The following PLS3 variants were observed in gnomAD, a reference collection of about 807,000 sequenced individuals.
The protein encoded by PLS3 is plastin 3.
In PLS3, 11 loss-of-function variants were observed where a neutral mutation model predicts 46.5. The observed-to-expected ratio is 0.24, with a 90% CI of 0.15 to 0.39. The LOEUF (loss-of-function observed/expected upper bound fraction) is 0.39. Ranked by LOEUF, PLS3 falls within the 10% of genes least tolerant of loss-of-function variation. PLS3 has a pLI of 1.00. For synonymous variants in PLS3, 167 were observed against 162.2 expected (o/e 1.03, Z -0.22); for missense variants, 308 against 461.8 (o/e 0.67, Z 3.05).
At chrX:115,633,153 A>G (rs1556639663) in intron 5 of PLS3, among the ~76,000 whole-genome samples, 2 of 106,892 alleles carry the variant, frequency 1.9e-5, no homozygotes, top group African/African-American at 3.4e-5. Context: ...CCCAACTACT[A>G]TGCACATATT....
intron 1 of PLS3, among the ~76,000 whole-genome samples, chrX:115,561,665 C>G (rs1180661148): frequency 9.0e-6 from 1 of 111,441 alleles, no homozygotes; most frequent in Non-Finnish European, 1.9e-5. Context: ...TTCCCTCTGT[C>G]GTCCTTCTCC....
At chrX:115,593,155 C>T (rs782787430) in intron 1 of PLS3, among the ~76,000 whole-genome samples, 2 of 111,080 alleles carry the variant, frequency 1.8e-5, no homozygotes, top group Non-Finnish European at 3.8e-5. Flanking sequence ...GTTAATTTGC[C>T]TTCGCAAGTA....
chrX:115,585,413 CAG>C (rs1311155511), intron 1 of PLS3, among the ~76,000 whole-genome samples: 7 of 110,980 alleles, frequency 6.3e-5, no homozygotes, highest in Admixed American at 1.9e-4. Context: ...TTTTTTGAGA[CAG>C]AGTCTTGCAC....
intron 2 of PLS3, among the ~76,000 whole-genome samples, chrX:115,620,666 C>G (rs1390856900): frequency 3.7e-5 from 4 of 108,016 alleles, no homozygotes; most frequent in Non-Finnish European, 7.7e-5. Context: ...AAGATAGCCC[C>G]AGTCTAACCC....
chrX:115,623,016 AC>A (rs1204760705), intron 3 of PLS3, among the ~76,000 whole-genome samples: 7 of 108,196 alleles, frequency 6.5e-5, no homozygotes, highest in South Asian at 8.2e-4. Context: ...TAATTCTTTC[AC>A]CCCCCCACCC....
chrX:115,600,575 G>A (rs1226836278), intron 1 of PLS3, among the ~76,000 whole-genome samples: 1 of 112,327 alleles, frequency 8.9e-6, no homozygotes, highest in Non-Finnish European at 1.9e-5. Flanking sequence ...TGTGCTGTTC[G>A]TGAAAGAAGG....
intron 9 of PLS3, among the ~76,000 whole-genome samples, chrX:115,642,029 CT>C (rs1461456274): frequency 2.1e-5 from 2 of 94,652 alleles, no homozygotes; most frequent in Non-Finnish European, 4.1e-5. Flanking sequence ...TTTACACCTT[CT>C]TTAGGGTCTT....
intron 1 of PLS3, among the ~76,000 whole-genome samples, chrX:115,602,826 T>G (rs958488562): frequency 1.9e-5 from 2 of 104,002 alleles, no homozygotes; most frequent in South Asian, 9.4e-4. Flanking sequence ...AAGCCTGTGG[T>G]GAATATCCTG....
chrX:115,569,706 C>G (rs1556630481), intron 1 of PLS3, among the ~76,000 whole-genome samples: 2 of 111,157 alleles, frequency 1.8e-5, no homozygotes, highest in African/African-American at 6.5e-5. Context: ...TTTCACAGAC[C>G]CTTCCATGGT....
chrX:115,610,599 T>C lies in PLS3; in HGVS notation c.73+276T>C, dbSNP rs1011926358. ...TCCAATCCTTAACTGGTGACTGTTA[T>C]GTATGGTTCCTGAAATTTTCATGCC... On this transcript the variant is annotated intron_variant, in intron 2 of 15. Coordinates refer to ENST00000355899, the MANE Select transcript of PLS3 (RefSeq NM_005032.7). 2.7e-5 allele frequency among the ~76,000 whole-genome samples: 3 copies of C among 109,666 alleles called. No individual in the cohort carries two copies. The East Asian group carries it at 8.5e-4, about 31-fold the overall frequency.
chrX:115,634,728 A>G (rs181616933), intron 6 of PLS3, among the ~76,000 whole-genome samples, 153 bp from the exon 7 acceptor site: 113 of 112,042 alleles, frequency 1.0e-3, no homozygotes, highest in African/African-American at 3.5e-3. Context: ...CTAACACAAA[A>G]CTCTGGAATT....
intron 1 of PLS3, among the ~76,000 whole-genome samples, chrX:115,580,754 T>C (rs2074275349): frequency 8.9e-6 from 1 of 112,662 alleles, no homozygotes; most frequent in Admixed American, 9.4e-5. Context: ...ATATGTAATG[T>C]TAATAAAGTT....
chrX:115,621,667 CAT>C (rs1352503493), intron 2 of PLS3, among the ~76,000 whole-genome samples: 21 of 111,459 alleles, frequency 1.9e-4, no homozygotes, highest in African/African-American at 6.8e-4. Context: ...TTTATAGAGT[CAT>C]ATTAAATATC....
chrX:115,593,992 TA>T (rs1556633471), intron 1 of PLS3, among the ~76,000 whole-genome samples: 1 of 110,857 alleles, frequency 9.0e-6, no homozygotes, highest in Non-Finnish European at 1.9e-5. Context: ...TTATTGTCTA[TA>T]TTTGTGGTGG....
intron 1 of PLS3, among the ~76,000 whole-genome samples, chrX:115,574,065 A>C (rs2074233728): frequency 9.0e-6 from 1 of 111,588 alleles, no homozygotes; most frequent in Non-Finnish European, 1.9e-5. Flanking sequence ...CAGTTGTTTC[A>C]TTTGGTGGGA....
chrX:115,578,271 T>C (rs1224953599), intron 1 of PLS3, among the ~76,000 whole-genome samples: 3 of 111,745 alleles, frequency 2.7e-5, no homozygotes, highest in Non-Finnish European at 3.8e-5. Flanking sequence ...TCATCATACA[T>C]TGATGTGTTT....
At chrX:115,583,722 A>G (rs1438010498) in intron 1 of PLS3, among the ~76,000 whole-genome samples, 3 of 112,222 alleles carry the variant, frequency 2.7e-5, no homozygotes, top group African/African-American at 9.7e-5. Context: ...TTAATCTTAG[A>G]CTAGGGCAGG....
chrX:115,583,433 C>T (rs781868421), intron 1 of PLS3, among the ~76,000 whole-genome samples: 4 of 112,666 alleles, frequency 3.6e-5, no homozygotes, highest in African/African-American at 6.4e-5. Context: ...TAGAGTGGCT[C>T]TCAAAGTGAA....
In PLS3 at chrX:115,643,322, G is replaced by A; in HGVS notation, c.997G>A (p.Asp333Asn). Residue 333 changes from aspartate (D) to asparagine (N), a missense_variant, in exon 10 of 16, where the codon GAT becomes AAT. Physicochemically the swap from Asp to Asn is conservative, Grantham distance 23 (BLOSUM62 1). Coordinates refer to ENST00000355899, the MANE Select transcript of PLS3 (RefSeq NM_005032.7). ...GATTTTGTTTCAACAGGAAACAGAT[G>A]ATTTGAAGAGAGCTGAGAGTATGCT... is the stretch of plus-strand genomic sequence containing the variant. Reference protein sequence around the residue: ...INMSGFNETDDLKRAESMLQQ... With the variant: ...INMSGFNETDNLKRAESMLQQ... 8.4e-7 allele frequency: 1 copy of A among 1,185,986 alleles called. No individual in the cohort carries two copies. The highest frequency in any genetic ancestry group is 1.1e-6 in the Non-Finnish European group (1 of 874,934).
Sources: allele counts gnomAD v4.1 joint callset (sites outside exome capture counted in the v4.1 genomes callset), GRCh38; gene constraint gnomAD v4.1.1; transcripts MANE v1.5; gene names NCBI Gene and HGNC (gene_info 2026-07-23, HGNC 2026-07-21).